The following ADK variants were observed in gnomAD, a reference collection of about 807,000 sequenced individuals.
ADK encodes the protein adenosine kinase.
ADK carries 24 observed loss-of-function variants against 44.7 expected under a neutral mutation model. The observed-to-expected ratio is 0.54, with a 90% CI of 0.39 to 0.76. The LOEUF is 0.76. Among genes scored for constraint, ADK ranks in the 30% least tolerant of loss-of-function variants. ADK has a pLI of 0.00. For missense variants in ADK, 321 were observed against 425.1 expected, an observed-to-expected ratio of 0.76 and a Z score of 2.15; for synonymous variants, 128 against 142.6, an observed-to-expected ratio of 0.90 and a Z score of 0.73.
At chr10:74,160,353 G>A (rs2132034883) in intron 1 of ADK, among the ~76,000 whole-genome samples, 1 of 152,234 alleles carries the variant, frequency 6.6e-6, no homozygotes, top group Middle Eastern at 3.4e-3. Context: ...ATTAAAATTG[G>A]GTATAAATAT....
intron 7 of ADK, among the ~76,000 whole-genome samples, chr10:74,580,118 A>C (rs1303729937): frequency 6.6e-6 from 1 of 152,116 alleles, no homozygotes; most frequent in Non-Finnish European, 1.5e-5. Flanking sequence ...TATAATGAGA[A>C]ACAAAATATT....
At chr10:74,347,925 T>A (rs1449022013) in intron 4 of ADK, among the ~76,000 whole-genome samples, 1 of 152,086 alleles carries the variant, frequency 6.6e-6, no homozygotes, top group Non-Finnish European at 1.5e-5. Context: ...GTCAGGGGCT[T>A]ATGGATAAAA....
intron 9 of ADK, among the ~76,000 whole-genome samples, chr10:74,614,770 A>T (rs997208387): frequency 6.6e-6 from 1 of 151,146 alleles, no homozygotes; most frequent in Non-Finnish European, 1.5e-5. Context: ...TCTCCAAGGA[A>T]CCCTGGTTCC....
intron 9 of ADK, among the ~76,000 whole-genome samples, chr10:74,609,182 G>A (rs1027302112): frequency 2.8e-4 from 42 of 152,218 alleles, no homozygotes; most frequent in African/African-American, 1.0e-3. Context: ...GCTCCGTCGG[G>A]GCAGGATCCG....
intron 6 of ADK, among the ~76,000 whole-genome samples, chr10:74,469,074 A>G (rs1466356007): frequency 6.6e-6 from 1 of 152,146 alleles, no homozygotes; most frequent in Non-Finnish European, 1.5e-5. Context: ...ATGGTGGCTC[A>G]CACCTGTAAT....
chr10:74,238,934 C>G, intron 3 of ADK, among the ~76,000 whole-genome samples: 1 of 142,028 alleles, frequency 7.0e-6, no homozygotes, highest in South Asian at 2.2e-4. Flanking sequence ...GATCTCAGCT[C>G]ACTGCAACCT....
At chr10:74,695,243 T>G (rs113221206) in intron 10 of ADK, among the ~76,000 whole-genome samples, 40 of 152,314 alleles carry the variant, frequency 2.6e-4, no homozygotes, top group African/African-American at 9.6e-4. Flanking sequence ...TTCATATAAA[T>G]TTTAGAATCA....
At chr10:74,669,822 T>C (rs1855104213) in intron 9 of ADK, among the ~76,000 whole-genome samples, 1 of 152,198 alleles carries the variant, frequency 6.6e-6, no homozygotes, top group South Asian at 2.1e-4. Flanking sequence ...CGAAGCTTTT[T>C]TAGAAACCCA....
intron 4 of ADK, chr10:74,371,861 TA>T: frequency 7.2e-7 from 1 of 1,388,554 alleles, no homozygotes; most frequent in Non-Finnish European, 1.0e-6. Context: ...GAACCTTCAC[TA>T]ACCACATCCA....
intron 3 of ADK, among the ~76,000 whole-genome samples, chr10:74,270,870 G>A (rs538210630): frequency 3.3e-5 from 5 of 152,298 alleles, no homozygotes; most frequent in Admixed American, 3.3e-4. Flanking sequence ...TAATGTCCAA[G>A]TAAGTGGCAA....
intron 6 of ADK, among the ~76,000 whole-genome samples, chr10:74,446,340 T>C (rs1316675869): frequency 6.6e-6 from 1 of 152,116 alleles, no homozygotes; most frequent in Non-Finnish European, 1.5e-5. Context: ...AGATATGATA[T>C]GCAACTTTAA....
intron 7 of ADK, among the ~76,000 whole-genome samples, chr10:74,574,328 G>A (rs931380463): frequency 3.9e-5 from 6 of 151,902 alleles, no homozygotes; most frequent in Admixed American, 3.3e-4. Flanking sequence ...ATGCCACCAC[G>A]CCCTGTTAAT....
chr10:74,699,437 G>C (rs776816923), intron 10 of ADK, among the ~76,000 whole-genome samples: 1 of 152,082 alleles, frequency 6.6e-6, no homozygotes, highest in Non-Finnish European at 1.5e-5. Context: ...CAGCACTTTG[G>C]GAGGCCGAGG....
At chr10:74,390,469 A>G (rs1843294110) in intron 4 of ADK, among the ~76,000 whole-genome samples, 6 of 152,124 alleles carry the variant, frequency 3.9e-5, no homozygotes, top group Admixed American at 2.0e-4. Context: ...TACCTTTCAC[A>G]TTGATCCACC....
chr10:74,365,488 A>G (rs1038946955), intron 4 of ADK, among the ~76,000 whole-genome samples: 4 of 152,216 alleles, frequency 2.6e-5, no homozygotes, highest in Non-Finnish European at 4.4e-5. Context: ...GTTCCATTGT[A>G]TAGCTATACC....
chr10:74,153,225 G>T (rs536810173), intron 1 of ADK, among the ~76,000 whole-genome samples: 5 of 152,288 alleles, frequency 3.3e-5, no homozygotes, highest in African/African-American at 1.2e-4. Context: ...TCAGCTCTGG[G>T]ATAATAATTC....
intron 4 of ADK, among the ~76,000 whole-genome samples, chr10:74,316,192 A>T (rs1840612506): frequency 6.6e-6 from 1 of 151,922 alleles, no homozygotes; most frequent in African/African-American, 2.4e-5. Context: ...GTGAGCTGAG[A>T]TCATGCCACT....
intron 3 of ADK, among the ~76,000 whole-genome samples, chr10:74,269,501 A>G (rs1463275050): frequency 6.6e-6 from 1 of 152,178 alleles, no homozygotes; most frequent in Non-Finnish European, 1.5e-5. Context: ...ACCACATGAG[A>G]CCAAAAATAG....
At chr10:74,682,424 A>G (rs536110647) in intron 10 of ADK, among the ~76,000 whole-genome samples, 1 of 152,186 alleles carries the variant, frequency 6.6e-6, no homozygotes, top group Non-Finnish European at 1.5e-5. Context: ...TGTATATTAC[A>G]CATTGCTTCT....
Sources: allele counts gnomAD v4.1 joint callset (sites outside exome capture counted in the v4.1 genomes callset), GRCh38; gene constraint gnomAD v4.1.1; transcripts MANE v1.5; gene names NCBI Gene and HGNC (gene_info 2026-07-23, HGNC 2026-07-21).